Variants in CD99L2 observed in about 807,000 individuals in gnomAD.
CD99L2 encodes the protein CD99 antigen-like protein 2.
In CD99L2, 24 loss-of-function variants were observed where a neutral mutation model predicts 27.3. The observed-to-expected ratio is 0.88, with a 90% CI of 0.64 to 1.24. The LOEUF (loss-of-function observed/expected upper bound fraction) is 1.24. CD99L2 is among the 50% of genes most tolerant of loss of function. CD99L2 has a pLI of 0.00. For missense variants in CD99L2, 255 were observed against 221.6 expected, an observed-to-expected ratio of 1.15 and a Z score of -0.96; for synonymous variants, 97 against 87.9, an observed-to-expected ratio of 1.10 and a Z score of -0.58.
At chrX:150,775,583 C>A (rs1344083466) in intron 9 of CD99L2, among the ~76,000 whole-genome samples, 1 of 112,717 alleles carries the variant, frequency 8.9e-6, no homozygotes, top group African/African-American at 3.2e-5. Flanking sequence ...GGGAACCACA[C>A]CATTCTTTCT....
chrX:150,794,518 G>C (rs782156012), intron 6 of CD99L2, among the ~76,000 whole-genome samples: 2 of 112,200 alleles, frequency 1.8e-5, no homozygotes, highest in African/African-American at 6.5e-5. Context: ...ATTTATGAAC[G>C]GGTAAAAGGT....
chrX:150,786,044 G>A (rs782530855), intron 7 of CD99L2, among the ~76,000 whole-genome samples: 21 of 111,420 alleles, frequency 1.9e-4, no homozygotes, highest in Non-Finnish European at 3.2e-4. Context: ...GTAGGTCTAT[G>A]TTCAGCTTTA....
intron 1 of CD99L2, among the ~76,000 whole-genome samples, chrX:150,893,442 C>T (rs1363336974): frequency 9.2e-6 from 1 of 108,932 alleles, no homozygotes; most frequent in African/African-American, 3.3e-5. Flanking sequence ...CCAAGTCAGC[C>T]CATGAGGCTT....
intron 1 of CD99L2, among the ~76,000 whole-genome samples, chrX:150,892,847 C>G (rs1483124728): frequency 9.0e-6 from 1 of 110,915 alleles, no homozygotes; most frequent in Non-Finnish European, 1.9e-5. Flanking sequence ...ACAAGCTGGG[C>G]GCGGTGGTTC....
chrX:150,773,008 G>C (rs2124008808), intron 9 of CD99L2, among the ~76,000 whole-genome samples: 1 of 112,656 alleles, frequency 8.9e-6, no homozygotes, highest in South Asian at 3.7e-4. Flanking sequence ...GCCCGTTTTA[G>C]GAAATAAGCA....
intron 1 of CD99L2, among the ~76,000 whole-genome samples, chrX:150,838,702 T>G (rs2046571347): frequency 9.7e-6 from 1 of 102,814 alleles, no homozygotes; most frequent in Admixed American, 1.1e-4. Context: ...AAAAGAACTA[T>G]GATAAATAGA....
At chrX:150,872,773 C>T (rs1284617632) in intron 1 of CD99L2, among the ~76,000 whole-genome samples, 2 of 111,159 alleles carry the variant, frequency 1.8e-5, no homozygotes, top group East Asian at 5.6e-4. Flanking sequence ...CATCAATTCT[C>T]CCTCTGTTAA....
intron 4 of CD99L2, among the ~76,000 whole-genome samples, chrX:150,807,870 G>A (rs782173000): frequency 3.6e-5 from 4 of 112,200 alleles, no homozygotes; most frequent in Non-Finnish European, 5.6e-5. Context: ...AATGGCTTCA[G>A]AGTATGAATG....
intron 1 of CD99L2, among the ~76,000 whole-genome samples, chrX:150,860,916 T>G (rs1404619391): frequency 9.2e-6 from 1 of 108,566 alleles, no homozygotes; most frequent in Non-Finnish European, 1.9e-5. Flanking sequence ...GGGAGGCGGG[T>G]GGATCACGAG....
intron 4 of CD99L2, among the ~76,000 whole-genome samples, chrX:150,804,695 A>G (rs1385124831): frequency 8.9e-6 from 1 of 112,389 alleles, no homozygotes; most frequent in African/African-American, 3.2e-5. Flanking sequence ...ACCTTTAGCA[A>G]GATTGACAAA....
intron 1 of CD99L2, among the ~76,000 whole-genome samples, chrX:150,834,500 CAAAACA>C (rs1179293397): frequency 2.7e-5 from 3 of 111,548 alleles, no homozygotes; most frequent in Non-Finnish European, 3.8e-5. Context: ...CCAAACAAAA[CAAAACA>C]AAAACAAAAA....
chrX:150,800,915 C>T (rs370152217), intron 4 of CD99L2, among the ~76,000 whole-genome samples: 1 of 109,406 alleles, frequency 9.1e-6, no homozygotes, highest in African/African-American at 3.3e-5. Flanking sequence ...CCTATAATCC[C>T]GGCTACTCGG....
intron 4 of CD99L2, among the ~76,000 whole-genome samples, chrX:150,802,621 G>C (rs1369430447): frequency 2.1e-5 from 2 of 95,517 alleles, no homozygotes; most frequent in Non-Finnish European, 2.1e-5. Context: ...TCGCTCTGTC[G>C]CCCAGGCTGG....
intron 7 of CD99L2, among the ~76,000 whole-genome samples, chrX:150,792,455 G>A (rs1569565910): frequency 1.8e-5 from 2 of 112,126 alleles, no homozygotes; most frequent in Non-Finnish European, 3.8e-5. Flanking sequence ...TTCATTTAGA[G>A]GCTTTTTGTG....
intron 9 of CD99L2, 23 bp from the exon 10 acceptor site, chrX:150,770,392 T>C: frequency 1.7e-6 from 2 of 1,191,320 alleles, no homozygotes; most frequent in East Asian, 5.9e-5. Flanking sequence ...AAGGGCAGAG[T>C]TAGTGATGCG....
intron 1 of CD99L2, among the ~76,000 whole-genome samples, chrX:150,832,816 G>A (rs1481564497): frequency 2.7e-5 from 3 of 111,219 alleles, no homozygotes; most frequent in African/African-American, 6.5e-5. Context: ...TTGGGAGGCC[G>A]AGGCGGGCAG....
At chrX:150,876,293 A>G (rs1209056756) in intron 1 of CD99L2, among the ~76,000 whole-genome samples, 4 of 112,327 alleles carry the variant, frequency 3.6e-5, no homozygotes, top group African/African-American at 1.3e-4. Flanking sequence ...ATTGTCACGA[A>G]GAAGGGTGAA....
rs1285566565 is a variant in CD99L2, at chrX:150,793,899, AG to A, written c.431-144del. The A allele has an allele frequency of 7.0e-6, 3 of 426,763 alleles. No homozygotes were observed. In the African/African-American group the frequency reaches 7.6e-5, roughly 11 times the overall value. 35.2% of individuals were successfully genotyped at this position (426,763 alleles called of 1,213,427 possible). A position where few individuals can be genotyped will look rare whatever the true frequency, so the allele number is the denominator to read the frequency against. On this transcript the variant is annotated intron_variant, in intron 6 of 10. Transcript: ENST00000370377. ...TCATGAAATTCTAAGAGGTCCCCCC[AG>A]ACCCCCTCCCACTGGTGTACATGTC...
chrX:150,812,753 T>C (rs1484791168), intron 4 of CD99L2, among the ~76,000 whole-genome samples: 1 of 112,148 alleles, frequency 8.9e-6, no homozygotes, highest in Non-Finnish European at 1.9e-5. Flanking sequence ...ACATGACAGT[T>C]TACAGCAGCC....
Sources: gnomAD v4.1 joint callset for allele counts (sites outside exome capture counted in the v4.1 genomes callset) on GRCh38, gnomAD v4.1.1 for gene constraint, MANE v1.5 for transcripts, NCBI Gene and HGNC (gene_info 2026-07-23, HGNC 2026-07-21) for gene names.